The following CTNNA2 variants were observed in gnomAD, a reference collection of about 807,000 sequenced individuals.
CTNNA2 encodes the protein catenin alpha-2.
CTNNA2 carries 42 observed loss-of-function variants against 101.0 expected under a neutral mutation model. The ratio of observed to expected loss-of-function variants is 0.42; its 90% confidence interval spans 0.32 to 0.54. The LOEUF (loss-of-function observed/expected upper bound fraction) is 0.54, where lower values mean the gene tolerates loss of function less well. Among genes scored for constraint, CTNNA2 ranks in the 20% least tolerant of loss-of-function variants. The pLI, the probability that CTNNA2 is intolerant of heterozygous loss-of-function variation, is 0.14. For synonymous variants in CTNNA2, 450 were observed against 456.4 expected, an observed-to-expected ratio of 0.99 and a Z score of 0.18; for missense variants, 871 against 1,223.1, an observed-to-expected ratio of 0.71 and a Z score of 4.29.
intron 7 of CTNNA2, among the ~76,000 whole-genome samples, chr2:79,919,269 T>G (rs1302919458): frequency 6.6e-6 from 1 of 152,126 alleles, no homozygotes; most frequent in African/African-American, 2.4e-5. Context: ...ATGGCAGACT[T>G]CTCTAAATGA....
At chr2:80,560,659 T>A (rs767026167) in intron 12 of CTNNA2, among the ~76,000 whole-genome samples, 3 of 152,176 alleles carry the variant, frequency 2.0e-5, no homozygotes, top group Non-Finnish European at 4.4e-5. Flanking sequence ...CTGTCCTCCC[T>A]GCAACGTTCT....
At chr2:80,191,373 C>T (rs1431759383) in intron 7 of CTNNA2, among the ~76,000 whole-genome samples, 2 of 152,172 alleles carry the variant, frequency 1.3e-5, no homozygotes, top group East Asian at 1.9e-4. Flanking sequence ...TCTCTTTCTT[C>T]CAAGAAGTAT....
intron 9 of CTNNA2, among the ~76,000 whole-genome samples, chr2:80,465,818 C>T (rs1054381209): frequency 2.6e-5 from 4 of 152,024 alleles, no homozygotes; most frequent in Admixed American, 6.6e-5. Context: ...TTATTTGTTT[C>T]GTAAGCCCAA....
chr2:80,628,346 C>G (rs947287712), intron 18 of CTNNA2, among the ~76,000 whole-genome samples: 1 of 151,948 alleles, frequency 6.6e-6, no homozygotes, highest in Non-Finnish European at 1.5e-5. Context: ...GGAGGCATCA[C>G]GTTACCTGAC....
intron 4 of CTNNA2, among the ~76,000 whole-genome samples, chr2:79,407,637 C>T (rs1285667946): frequency 2.6e-5 from 4 of 151,910 alleles, no homozygotes; most frequent in African/African-American, 7.2e-5. Context: ...GCAGAATAGA[C>T]CTTCCTCAAC....
chr2:79,230,684 C>G (rs749418619), intron 2 of CTNNA2, among the ~76,000 whole-genome samples: 2 of 152,140 alleles, frequency 1.3e-5, no homozygotes, highest in Non-Finnish European at 2.9e-5. Context: ...TCTGCCAACA[C>G]CTTGTACCAT....
At chr2:79,366,924 T>G (rs551750884) in intron 3 of CTNNA2, among the ~76,000 whole-genome samples, 1 of 152,332 alleles carries the variant, frequency 6.6e-6, no homozygotes, top group East Asian at 1.9e-4. Flanking sequence ...ACGGTCTCAC[T>G]GAGACATTTA....
intron 4 of CTNNA2, among the ~76,000 whole-genome samples, chr2:79,430,963 T>C (rs866998481): frequency 6.6e-6 from 1 of 152,202 alleles, no homozygotes; most frequent in Non-Finnish European, 1.5e-5. Context: ...TTATCATTCG[T>C]GTAAAGACTT....
chr2:79,428,705 A>C (rs1164974707), intron 4 of CTNNA2, among the ~76,000 whole-genome samples: 1 of 152,126 alleles, frequency 6.6e-6, no homozygotes, highest in Non-Finnish European at 1.5e-5. Context: ...AAGAAATGAC[A>C]GCCATGAGGC....
rs535377751 is a variant in CTNNA2, at chr2:79,503,475, A to G, written c.-134-1579A>G. On this transcript the variant is annotated intron_variant, in intron 4 of 21. Transcript: ENST00000466387. ...ACTTATTACAAAGCAAAAGAAGTGC[A>G]GCAATGGTGTCACACAATTCCCTGA... 3.9e-5 allele frequency among the ~76,000 whole-genome samples: 6 copies of G among 152,334 alleles called. No homozygotes were observed. The South Asian group carries it at 1.0e-3, about 26-fold the overall frequency.
intron 7 of CTNNA2, among the ~76,000 whole-genome samples, chr2:79,910,067 G>T (rs1057270179): frequency 1.3e-5 from 2 of 152,186 alleles, no homozygotes; most frequent in Non-Finnish European, 2.9e-5. Context: ...GGTCATTTTA[G>T]TGGCTGCATT....
At chr2:80,050,865 A>G (rs564978606) in intron 7 of CTNNA2, among the ~76,000 whole-genome samples, 5 of 152,104 alleles carry the variant, frequency 3.3e-5, no homozygotes, top group African/African-American at 9.6e-5. Flanking sequence ...ACAGGCATGT[A>G]CCACCAAAGC....
At chr2:79,706,587 A>C (rs1685399324) in intron 2 of CTNNA2, among the ~76,000 whole-genome samples, 1 of 152,168 alleles carries the variant, frequency 6.6e-6, no homozygotes, top group Admixed American at 6.5e-5. Context: ...AGGTATGTCC[A>C]GATACTTTAT....
chr2:79,300,267 T>C (rs2104389656), intron 2 of CTNNA2, among the ~76,000 whole-genome samples: 1 of 152,320 alleles, frequency 6.6e-6, no homozygotes, highest in South Asian at 2.1e-4. Context: ...GCCATAGAGC[T>C]GGAATCATGG....
intron 2 of CTNNA2, among the ~76,000 whole-genome samples, chr2:79,712,455 G>A (rs1330853466): frequency 6.6e-6 from 1 of 152,162 alleles, no homozygotes; most frequent in Non-Finnish European, 1.5e-5. Context: ...AGTAATGTAT[G>A]TATTAAGTTG....
intron 9 of CTNNA2, among the ~76,000 whole-genome samples, chr2:80,427,706 T>G (rs1349909427): frequency 1.3e-5 from 2 of 152,218 alleles, no homozygotes; most frequent in Non-Finnish European, 2.9e-5. Context: ...TCAGAATCAC[T>G]AATGTGATCA....
Position 80,144,981 on chromosome 2 carries a change from A to G in CTNNA2, c.1056+235184A>G, listed in dbSNP as rs113544376. On this transcript the variant is annotated intron_variant, in intron 7 of 18. Coordinates refer to ENST00000402739, the MANE Select transcript of CTNNA2 (RefSeq NM_001282597.3). ...CCTCTCCCCCCAGCTGTCACAACCG[A>G]AAATGCCTCCAGACATTGCCAGATA... 9.5e-3 allele frequency among the ~76,000 whole-genome samples: 1,446 copies of G among 152,254 alleles called. 33 individuals carry two copies. The highest frequency in any genetic ancestry group is 0.031 in the African/African-American group (1,305 of 41,550).
intron 2 of CTNNA2, among the ~76,000 whole-genome samples, chr2:79,299,600 A>G (rs911893964): frequency 2.6e-5 from 4 of 152,222 alleles, no homozygotes; most frequent in African/African-American, 4.8e-5. Context: ...TGGGGATCAT[A>G]ATGCACAAAG....
chr2:79,319,537 T>A (rs1056201047), intron 3 of CTNNA2, among the ~76,000 whole-genome samples: 1 of 151,178 alleles, frequency 6.6e-6, no homozygotes, highest in African/African-American at 2.4e-5. Flanking sequence ...TTACTTACTG[T>A]AAACTTAATG....
Sources: gnomAD v4.1 joint callset for allele counts (sites outside exome capture counted in the v4.1 genomes callset) on GRCh38, gnomAD v4.1.1 for gene constraint, MANE v1.5 for transcripts, NCBI Gene and HGNC (gene_info 2026-07-23, HGNC 2026-07-21) for gene names.